GPC5: variants seen among roughly 807,000 people sequenced by gnomAD.
GPC5 encodes glypican 5, also known as glypican-5.
GPC5 carries 47 observed loss-of-function variants against 53.9 expected under a neutral mutation model. That is an observed-to-expected ratio of 0.87 (90% CI 0.69 to 1.11). The LOEUF (loss-of-function observed/expected upper bound fraction) is 1.11. Among genes scored for constraint, GPC5 ranks in the 50% most tolerant of loss-of-function variants. The probability of loss-of-function intolerance (pLI) is 0.00; values close to 1 mark genes in which losing one functional copy is unlikely to be tolerated. For missense variants in GPC5, 748 were observed against 713.1 expected (o/e 1.05, Z -0.56); for synonymous variants, 286 against 263.3 (o/e 1.09, Z -0.84).
chr13:92,241,219 A>G (rs1241559291), intron 7 of GPC5: 1 of 152,190 alleles, frequency 6.6e-6, no homozygotes, highest in Non-Finnish European at 1.5e-5. Context: ...GGCAAGAAGT[A>G]TGTGCACACT....
Position 91,408,443 on chromosome 13 carries a change from C to T in GPC5, c.163+9234C>T, listed in dbSNP as rs190128732. ...CTATCATATCCACATTTTCTTTGTCCATTCATCTGCTGATGGATACCTAGG... is the reference window on the plus strand; with the variant it reads ...CTATCATATCCACATTTTCTTTGTCTATTCATCTGCTGATGGATACCTAGG... On this transcript the variant is annotated intron_variant, in intron 1 of 7. Transcript: ENST00000377067. Among the ~76,000 whole-genome samples, 44 of 152,176 alleles carry T rather than the reference C, an allele frequency of 2.9e-4. 1 individual carries two copies. In the East Asian group the frequency reaches 8.3e-3, roughly 29 times the overall value.
At chr13:91,468,445 T>C (rs1343723723) in intron 2 of GPC5, among the ~76,000 whole-genome samples, 1 of 152,120 alleles carries the variant, frequency 6.6e-6, no homozygotes, top group African/African-American at 2.4e-5. Flanking sequence ...CCCACTCCAA[T>C]GTGATTGGTG....
At chr13:92,325,571 G>T (rs1440981860) in intron 7 of GPC5, among the ~76,000 whole-genome samples, 2 of 152,016 alleles carry the variant, frequency 1.3e-5, no homozygotes, top group African/African-American at 4.8e-5. Flanking sequence ...GAGAAGACAT[G>T]GTAATGGGAG....
chr13:91,449,001 G>C, intron 2 of GPC5, 79 bp downstream of exon 2: 1 of 1,454,430 alleles, frequency 6.9e-7, no homozygotes, highest in Non-Finnish European at 9.3e-7. Context: ...TGGCAAACTT[G>C]GCTGGGTTTA....
At chr13:92,152,552 A>G (rs1309720107) in intron 7 of GPC5, among the ~76,000 whole-genome samples, 2 of 152,192 alleles carry the variant, frequency 1.3e-5, no homozygotes, top group African/African-American at 2.4e-5. Flanking sequence ...TTGGGCTAAC[A>G]TGGTGAAACC....
intron 7 of GPC5, among the ~76,000 whole-genome samples, chr13:92,719,364 A>C (rs1477028463): frequency 2.0e-5 from 3 of 152,146 alleles, no homozygotes; most frequent in African/African-American, 7.2e-5. Flanking sequence ...GAAATCAAAA[A>C]TTTTTTAAAG....
chr13:92,375,020 C>A (rs189654492), intron 7 of GPC5, among the ~76,000 whole-genome samples: 2 of 152,016 alleles, frequency 1.3e-5, no homozygotes, highest in Non-Finnish European at 2.9e-5. Context: ...TACTTGAGTT[C>A]GTTGCAGTAT....
intron 7 of GPC5, among the ~76,000 whole-genome samples, chr13:92,402,636 C>T (rs183022719): frequency 2.0e-5 from 3 of 152,280 alleles, no homozygotes; most frequent in African/African-American, 4.8e-5. Context: ...CCCTCACATG[C>T]GCAGTTCACA....
At chr13:91,623,837 T>A (rs970275845) in intron 2 of GPC5, among the ~76,000 whole-genome samples, 1 of 152,088 alleles carries the variant, frequency 6.6e-6, no homozygotes, top group African/African-American at 2.4e-5. Flanking sequence ...TAGGCAAGAC[T>A]GCATGGGACG....
At chr13:92,115,926 G>A (rs2041596901) in intron 6 of GPC5, among the ~76,000 whole-genome samples, 1 of 151,974 alleles carries the variant, frequency 6.6e-6, no homozygotes, top group South Asian at 2.1e-4. Flanking sequence ...ATCAGAGTGG[G>A]CCCTAATCCT....
At chr13:92,146,988 T>C (rs1363190851) in intron 7 of GPC5, among the ~76,000 whole-genome samples, 1 of 152,074 alleles carries the variant, frequency 6.6e-6, no homozygotes, top group Non-Finnish European at 1.5e-5. Context: ...TCTTAGGGCA[T>C]AATGGATATA....
intron 7 of GPC5, among the ~76,000 whole-genome samples, chr13:92,249,946 A>G (rs900517223): frequency 5.3e-5 from 8 of 152,144 alleles, no homozygotes; most frequent in Non-Finnish European, 1.2e-4. Context: ...TTCATTAACA[A>G]AATCATATTT....
chr13:91,423,421 G>T (rs536179297), intron 1 of GPC5, among the ~76,000 whole-genome samples: 1 of 152,188 alleles, frequency 6.6e-6, no homozygotes, highest in Non-Finnish European at 1.5e-5. Flanking sequence ...ATGGCCAAAA[G>T]CCAGGTTGAT....
chr13:91,408,841 C>G (rs183167353), intron 1 of GPC5, among the ~76,000 whole-genome samples: 133 of 152,216 alleles, frequency 8.7e-4, no homozygotes, highest in Middle Eastern at 3.4e-3. Context: ...ATTAAATAAT[C>G]TTCGCAGCTA....
chr13:92,491,110 T>C (rs1056644776), intron 7 of GPC5, among the ~76,000 whole-genome samples: 2 of 152,120 alleles, frequency 1.3e-5, no homozygotes, highest in South Asian at 4.1e-4. Context: ...GTGTACTCAA[T>C]TGCTGATTAT....
intron 7 of GPC5, chr13:92,510,217 G>GA (rs1880516096): frequency 6.6e-6 from 1 of 151,446 alleles, no homozygotes; most frequent in Non-Finnish European, 1.5e-5. Flanking sequence ...TTTATTTTTG[G>GA]AAAAATTAAA....
chr13:92,803,670 T>A (rs1396712394), intron 7 of GPC5, among the ~76,000 whole-genome samples: 2 of 151,854 alleles, frequency 1.3e-5, no homozygotes, highest in Non-Finnish European at 2.9e-5. Context: ...TTCTCAGAGG[T>A]TTTATTTTCC....
At chr13:92,629,324 T>C (rs1885159509) in intron 7 of GPC5, among the ~76,000 whole-genome samples, 3 of 152,320 alleles carry the variant, frequency 2.0e-5, no homozygotes, top group Middle Eastern at 3.4e-3. Context: ...GTTGAAGATA[T>C]TAAGGCAGTT....
intron 5 of GPC5, among the ~76,000 whole-genome samples, chr13:91,827,933 G>A (rs1192113383): frequency 6.6e-6 from 1 of 151,874 alleles, no homozygotes; most frequent in Non-Finnish European, 1.5e-5. Context: ...ATTGTAAAAT[G>A]GAAATATCCA....
Sources: gnomAD v4.1 joint callset for allele counts (sites outside exome capture counted in the v4.1 genomes callset) on GRCh38, gnomAD v4.1.1 for gene constraint, MANE v1.5 for transcripts, NCBI Gene and HGNC (gene_info 2026-07-23, HGNC 2026-07-21) for gene names.